The following MMP16 variants were observed in gnomAD, a reference collection of about 807,000 sequenced individuals.
MMP16 encodes matrix metalloproteinase-16.
Under a neutral mutation model 67.8 loss-of-function variants are expected in MMP16, and 12 were observed. The observed-to-expected ratio is 0.18, with a 90% CI of 0.11 to 0.29. MMP16 has a LOEUF of 0.29. MMP16 is among the 10% of genes least tolerant of loss of function. The pLI is 1.00. For missense variants in MMP16, 475 were observed against 765.7 expected, an observed-to-expected ratio of 0.62 and a Z score of 4.48; for synonymous variants, 249 against 255.9, an observed-to-expected ratio of 0.97 and a Z score of 0.26.
chr8:88,272,460 A>G (rs1231886848), intron 1 of MMP16, among the ~76,000 whole-genome samples: 3 of 152,210 alleles, frequency 2.0e-5, no homozygotes, highest in Non-Finnish European at 2.9e-5. Flanking sequence ...ATCAAGGAAA[A>G]TGATCATAAA....
At chr8:88,240,124 C>T (rs1810011738) in intron 1 of MMP16, among the ~76,000 whole-genome samples, 1 of 152,112 alleles carries the variant, frequency 6.6e-6, no homozygotes, top group Non-Finnish European at 1.5e-5. Context: ...GCCCATTGTA[C>T]AATGTTGAAT....
chr8:88,237,606 G>A lies in MMP16; in HGVS notation c.133-40300C>T, dbSNP rs542179855. On this transcript the variant is annotated intron_variant, in intron 1 of 9. Coordinates refer to ENST00000286614, the MANE Select transcript of MMP16 (RefSeq NM_005941.5). ...GGAGCTGGCGGTGAACCGAGATCGC[G>A]CCACAGCACTCCAGCCTGGGCGACA... 3.3e-5 allele frequency among the ~76,000 whole-genome samples: 5 copies of A among 151,840 alleles called. No homozygotes were observed. In the South Asian group the frequency reaches 8.4e-4, roughly 25 times the overall value.
chr8:88,273,180 T>A (rs766126805), intron 1 of MMP16, among the ~76,000 whole-genome samples: 5 of 151,316 alleles, frequency 3.3e-5, no homozygotes, highest in Non-Finnish European at 7.4e-5. Flanking sequence ...CCCTCTCAGG[T>A]TTGGGCAATT....
chr8:88,085,406 C>T (rs1808817048), intron 6 of MMP16, among the ~76,000 whole-genome samples: 2 of 152,124 alleles, frequency 1.3e-5, no homozygotes, highest in Non-Finnish European at 2.9e-5. Flanking sequence ...TACACTTTTT[C>T]ACTAAGACAG....
chr8:88,318,034 C>CTTT (rs1356653650), intron 1 of MMP16, among the ~76,000 whole-genome samples: 1 of 152,068 alleles, frequency 6.6e-6, no homozygotes, highest in African/African-American at 2.4e-5. Context: ...AGATGCAACA[C>CTTT]ATAAAAATAA....
At chr8:88,198,533 G>A (rs1809292367) in intron 1 of MMP16, among the ~76,000 whole-genome samples, 1 of 151,978 alleles carries the variant, frequency 6.6e-6, no homozygotes, top group Non-Finnish European at 1.5e-5. Context: ...TAAAACAGGA[G>A]ACATATTTTC....
chr8:88,327,038 G>A, intron 1 of MMP16, 37 bp downstream of exon 1: 1 of 1,612,302 alleles, frequency 6.2e-7, no homozygotes, highest in Non-Finnish European at 8.5e-7. Flanking sequence ...GAGCAGCCCA[G>A]GCAGCGGGGG....
At chr8:88,192,242 T>C (rs1028613527) in intron 2 of MMP16, among the ~76,000 whole-genome samples, 5 of 152,204 alleles carry the variant, frequency 3.3e-5, no homozygotes, top group African/African-American at 1.2e-4. Flanking sequence ...GCTAAAAATG[T>C]TGCGGCTGAC....
At chr8:88,112,347 C>T (rs2118415112) in intron 6 of MMP16, among the ~76,000 whole-genome samples, 1 of 151,784 alleles carries the variant, frequency 6.6e-6, no homozygotes, top group African/African-American at 2.4e-5. Context: ...CTAATTCTTG[C>T]CTTCTGCTTT....
At chr8:88,144,767 T>A (rs1003109549) in intron 4 of MMP16, among the ~76,000 whole-genome samples, 1 of 151,954 alleles carries the variant, frequency 6.6e-6, no homozygotes, top group Admixed American at 6.6e-5. Flanking sequence ...TTTTTTTCTG[T>A]TATGAATGAG....
At chr8:88,288,740 A>C (rs570069566) in intron 1 of MMP16, among the ~76,000 whole-genome samples, 25 of 152,282 alleles carry the variant, frequency 1.6e-4, no homozygotes, top group African/African-American at 5.5e-4. Flanking sequence ...ACCAATGTTT[A>C]TTGTGTATCA....
intron 1 of MMP16, among the ~76,000 whole-genome samples, chr8:88,203,780 G>A (rs1809381639): frequency 6.6e-6 from 1 of 152,182 alleles, no homozygotes; most frequent in African/African-American, 2.4e-5. Flanking sequence ...GTACTTATAA[G>A]TTGTCAAACT....
intron 6 of MMP16, among the ~76,000 whole-genome samples, chr8:88,085,634 C>A (rs1397204131): frequency 1.3e-5 from 2 of 152,010 alleles, no homozygotes; most frequent in Non-Finnish European, 2.9e-5. Context: ...TAAATAATTT[C>A]TAAATTCACA....
In MMP16 at chr8:88,041,878, T is replaced by C; in HGVS notation, c.1490-83A>G. The C allele has an allele frequency of 9.7e-7, 1 of 1,032,878 alleles. No individual in the cohort carries two copies. Among genetic ancestry groups the C allele is most frequent in the Non-Finnish European group, 1.4e-6 (1 of 707,890 alleles). 64.0% of individuals were successfully genotyped at this position (1,032,878 alleles called of 1,614,324 possible). A position where few individuals can be genotyped will look rare whatever the true frequency, so the allele number is the denominator to read the frequency against. ...AGAGAAATGTTACTAAAATAGGCTA[T>C]GTCTTAAGAGATGTATTTTAAGGCC... On this transcript the variant is annotated intron_variant, in intron 9 of 9. Coordinates refer to ENST00000286614, the MANE Select transcript of MMP16 (RefSeq NM_005941.5). The surrounding 1 kb of genome is among the most constrained non-coding windows in gnomAD (Gnocchi z 6.0).
chr8:88,291,763 A>T (rs2130019792), intron 1 of MMP16, among the ~76,000 whole-genome samples: 1 of 152,346 alleles, frequency 6.6e-6, no homozygotes, highest in African/African-American at 2.4e-5. Context: ...GCAAGTTAAT[A>T]TTTAGGGTAA....
At chr8:88,116,436 A>C (rs1329435403) in intron 6 of MMP16, 71 bp downstream of exon 6, 1 of 1,336,460 alleles carries the variant, frequency 7.5e-7, no homozygotes, top group Non-Finnish European at 1.0e-6. Context: ...AGAATGAATG[A>C]GAACTTGTTT....
intron 6 of MMP16, among the ~76,000 whole-genome samples, chr8:88,082,304 G>A (rs1169438028): frequency 6.6e-6 from 1 of 152,036 alleles, no homozygotes; most frequent in South Asian, 2.1e-4. Flanking sequence ...ATGGGCATCC[G>A]TATTTATTTC....
intron 2 of MMP16, among the ~76,000 whole-genome samples, chr8:88,192,077 A>T (rs1484086246): frequency 6.6e-6 from 1 of 152,236 alleles, no homozygotes; most frequent in East Asian, 1.9e-4. Flanking sequence ...AAGTATGAAT[A>T]ATATTTACTA....
chr8:88,309,555 G>A (rs564150565), intron 1 of MMP16, among the ~76,000 whole-genome samples: 2 of 151,906 alleles, frequency 1.3e-5, no homozygotes, highest in South Asian at 2.1e-4. Flanking sequence ...GCAGATGGAC[G>A]TCCTCAAAGA....
Sources: allele counts gnomAD v4.1 joint callset (sites outside exome capture counted in the v4.1 genomes callset), GRCh38; gene constraint gnomAD v4.1.1; non-coding constraint Gnocchi (gnomAD v3.1); transcripts MANE v1.5; gene names NCBI Gene and HGNC (gene_info 2026-07-23, HGNC 2026-07-21).